Variants in NPAS3 observed in about 807,000 individuals in gnomAD.
The protein encoded by NPAS3 is neuronal PAS domain protein 3, also known as neuronal PAS domain-containing protein 3.
In NPAS3, 14 loss-of-function variants were observed where a neutral mutation model predicts 73.1. The observed-to-expected ratio is 0.19, with a 90% CI of 0.13 to 0.30. NPAS3 has a LOEUF of 0.30. Ranked by LOEUF, NPAS3 falls within the 10% of genes least tolerant of loss-of-function variation. The pLI is 1.00. For synonymous variants in NPAS3, 620 were observed against 541.5 expected (o/e 1.14, Z -2.01); for missense variants, 1,096 against 1,250.0 (o/e 0.88, Z 1.86).
chr14:33,775,882 T>G (rs1175578947), intron 8 of NPAS3, among the ~76,000 whole-genome samples: 1 of 152,200 alleles, frequency 6.6e-6, no homozygotes, highest in African/African-American at 2.4e-5. Flanking sequence ...ATGGGGCGTG[T>G]GCAAAGCTCA....
intron 4 of NPAS3, among the ~76,000 whole-genome samples, chr14:33,426,335 G>A (rs1162892576): frequency 1.3e-5 from 2 of 151,892 alleles, no homozygotes; most frequent in African/African-American, 4.8e-5. Flanking sequence ...GGAGGGAGGT[G>A]TGGTGGAGGT....
intron 4 of NPAS3, among the ~76,000 whole-genome samples, chr14:33,545,851 A>T (rs2054819142): frequency 6.6e-6 from 1 of 152,178 alleles, no homozygotes. Context: ...GAGCCATAAG[A>T]TATGGCCTCT....
At chr14:33,395,827 A>G (rs542765172) in intron 4 of NPAS3, among the ~76,000 whole-genome samples, 1 of 152,164 alleles carries the variant, frequency 6.6e-6, no homozygotes, top group African/African-American at 2.4e-5. Flanking sequence ...TTAAACAAGC[A>G]TTAATTAAAG....
chr14:33,002,293 T>C (rs61980345), intron 1 of NPAS3, among the ~76,000 whole-genome samples: 5,613 of 152,302 alleles, frequency 0.037, 146 homozygotes, highest in Middle Eastern at 0.082. Flanking sequence ...CAATGATTAC[T>C]CAACAAATAC....
chr14:33,641,284 G>C (rs938365902), intron 5 of NPAS3, among the ~76,000 whole-genome samples: 1 of 152,102 alleles, frequency 6.6e-6, no homozygotes, highest in African/African-American at 2.4e-5. Flanking sequence ...TGATTTCTAA[G>C]AATGCAGATT....
chr14:33,650,908 G>C (rs1391050223), intron 5 of NPAS3, among the ~76,000 whole-genome samples: 1 of 152,188 alleles, frequency 6.6e-6, no homozygotes. Flanking sequence ...ACTTGAAGCA[G>C]TTCTGATGCC....
chr14:33,515,999 A>G (rs2053277695), intron 4 of NPAS3, among the ~76,000 whole-genome samples: 2 of 152,118 alleles, frequency 1.3e-5, no homozygotes, highest in Admixed American at 1.3e-4. Context: ...AACACTTTCT[A>G]TGAGGTAAGA....
At chr14:33,591,171 A>G (rs912615875) in intron 5 of NPAS3, among the ~76,000 whole-genome samples, 2 of 152,106 alleles carry the variant, frequency 1.3e-5, no homozygotes, top group Non-Finnish European at 2.9e-5. Context: ...TGTTTTAATG[A>G]CAACTTATCA....
chr14:33,215,538 G>C (rs745635002), intron 3 of NPAS3, 112 bp downstream of exon 3: 1 of 1,208,738 alleles, frequency 8.3e-7, no homozygotes, highest in Non-Finnish European at 1.2e-6. Flanking sequence ...CCTTTAAAGG[G>C]ATACAAATGT....
chr14:33,685,846 G>A (rs540863705), intron 6 of NPAS3, among the ~76,000 whole-genome samples: 57 of 152,258 alleles, frequency 3.7e-4, no homozygotes, highest in Non-Finnish European at 6.2e-4. Context: ...TAGAGATGGT[G>A]AAGAACTTGC....
chr14:33,695,746 A>G (rs1419667373), intron 6 of NPAS3, among the ~76,000 whole-genome samples: 6 of 152,230 alleles, frequency 3.9e-5, no homozygotes, highest in African/African-American at 1.4e-4. Context: ...CTATTTCTAC[A>G]TAAGTGACAA....
chr14:33,320,140 T>A (rs1269257260), intron 3 of NPAS3, among the ~76,000 whole-genome samples: 2 of 152,094 alleles, frequency 1.3e-5, no homozygotes, highest in African/African-American at 4.8e-5. Context: ...AGAAAGGGAA[T>A]GGCATGAACA....
At chr14:33,446,346 T>C (rs1845883689) in intron 4 of NPAS3, among the ~76,000 whole-genome samples, 2 of 150,448 alleles carry the variant, frequency 1.3e-5, no homozygotes. Context: ...CGGCTAATTT[T>C]TTGTATTTTT....
At chr14:33,416,352 T>A (rs1339898999) in intron 4 of NPAS3, among the ~76,000 whole-genome samples, 1 of 152,060 alleles carries the variant, frequency 6.6e-6, no homozygotes, top group Non-Finnish European at 1.5e-5. Flanking sequence ...CTAGAAGATA[T>A]ACTGAGATTT....
At chr14:33,446,537 T>C (rs1247628784) in intron 4 of NPAS3, among the ~76,000 whole-genome samples, 4 of 152,244 alleles carry the variant, frequency 2.6e-5, no homozygotes, top group African/African-American at 9.6e-5. Flanking sequence ...TCATGTTCTT[T>C]ACTAGATAGT....
At chr14:33,466,174 A>G (rs546196599) in intron 4 of NPAS3, among the ~76,000 whole-genome samples, 3 of 152,232 alleles carry the variant, frequency 2.0e-5, no homozygotes, top group African/African-American at 7.2e-5. Context: ...TAGAGAAGCA[A>G]GAGAGGGACC....
intron 4 of NPAS3, among the ~76,000 whole-genome samples, chr14:33,509,646 G>A (rs2052942575): frequency 6.6e-6 from 1 of 151,948 alleles, no homozygotes; most frequent in Admixed American, 6.6e-5. Context: ...CTTCCTTGGG[G>A]CCTTGCGTAA....
chr14:33,712,206 A>G (rs550820724), intron 6 of NPAS3, among the ~76,000 whole-genome samples: 6 of 152,316 alleles, frequency 3.9e-5, no homozygotes, highest in African/African-American at 1.2e-4. Flanking sequence ...TTTTGCAACC[A>G]GAGTCTCCCC....
chr14:33,306,108 T>A (rs1259378606), intron 3 of NPAS3, among the ~76,000 whole-genome samples: 4 of 152,158 alleles, frequency 2.6e-5, no homozygotes, highest in African/African-American at 4.8e-5. Flanking sequence ...ATATTTAAAC[T>A]AGTATATAAA....
Sources: allele counts gnomAD v4.1 joint callset (sites outside exome capture counted in the v4.1 genomes callset), GRCh38; gene constraint gnomAD v4.1.1; transcripts MANE v1.5; gene names NCBI Gene and HGNC (gene_info 2026-07-23, HGNC 2026-07-21).